The following PLCB1 variants were observed in gnomAD, a reference collection of about 807,000 sequenced individuals.
PLCB1 encodes 1-phosphatidylinositol 4,5-bisphosphate phosphodiesterase beta-1.
Under a neutral mutation model 161.8 loss-of-function variants are expected in PLCB1, and 46 were observed. The observed-to-expected ratio is 0.28, with a 90% confidence interval of 0.22 to 0.36. The LOEUF (loss-of-function observed/expected upper bound fraction) is 0.36, where lower values mean the gene tolerates loss of function less well. PLCB1 is among the 10% of genes least tolerant of loss of function. The pLI, the probability that PLCB1 is intolerant of heterozygous loss-of-function variation, is 1.00. For synonymous variants in PLCB1, 517 were observed against 503.7 expected (o/e 1.03, Z -0.35); for missense variants, 1,016 against 1,472.5 (o/e 0.69, Z 5.07).
At chr20:8,678,797 C>G (rs1990149025) in intron 9 of PLCB1, among the ~76,000 whole-genome samples, 1 of 152,200 alleles carries the variant, frequency 6.6e-6, no homozygotes, top group Admixed American at 6.5e-5. Flanking sequence ...AGAAAGGAAA[C>G]TGGAGCAGAG....
At position 8,877,053 on chromosome 20, in the gene PLCB1, G is replaced by GAACT. The variant is rs71331342; in HGVS notation, c.3424-4567_3424-4566insCTAA. Among the ~76,000 whole-genome samples the GAACT allele has an allele frequency of 5.3e-3, 800 of 151,832 alleles. 4 individuals are homozygous for GAACT. Among genetic ancestry groups the GAACT allele is most frequent in the Non-Finnish European group, 9.0e-3 (613 of 67,930 alleles). ...GGTTATGATTACAAGGAGGGGTGAA[G>GAACT]AATTACTGCCATTTGCACGACCAAT... On this transcript the variant is annotated intron_variant, in intron 31 of 31. Coordinates refer to ENST00000338037, the MANE Select transcript of PLCB1 (RefSeq NM_015192.4).
intron 4 of PLCB1, among the ~76,000 whole-genome samples, chr20:8,642,288 A>G (rs1034031622): frequency 6.6e-6 from 1 of 152,350 alleles, no homozygotes; most frequent in African/African-American, 2.4e-5. Flanking sequence ...TATAGTATCA[A>G]AAGTGCAGTC....
chr20:8,228,774 T>C (rs1979844309), intron 2 of PLCB1, among the ~76,000 whole-genome samples: 1 of 152,158 alleles, frequency 6.6e-6, no homozygotes. Flanking sequence ...AATTTTTTAA[T>C]TGGCATATAA....
At chr20:8,347,191 T>C (rs918768952) in intron 2 of PLCB1, among the ~76,000 whole-genome samples, 2 of 152,236 alleles carry the variant, frequency 1.3e-5, no homozygotes, top group Non-Finnish European at 2.9e-5. Flanking sequence ...TGGTTTACCT[T>C]GGGAATTACC....
intron 2 of PLCB1, among the ~76,000 whole-genome samples, chr20:8,275,350 T>C (rs1421669121): frequency 6.6e-6 from 1 of 151,798 alleles, no homozygotes; most frequent in Non-Finnish European, 1.5e-5. Context: ...GGATGAATTC[T>C]TCCCTTAATT....
chr20:8,523,490 C>A lies in PLCB1; in HGVS notation c.247-104804C>A, dbSNP rs1272234213. Among the ~76,000 whole-genome samples, 52 of 67,718 alleles carry A rather than the reference C, an allele frequency of 7.7e-4. 2 individuals carry two copies. Among genetic ancestry groups the A allele is most frequent in the East Asian group, 2.1e-3 (7 of 3,384 alleles). The allele number at this position is 67,718 out of a possible 152,430, so 44.4% of individuals were successfully genotyped here. On this transcript the variant is annotated intron_variant, in intron 3 of 31. Coordinates refer to ENST00000338037, the MANE Select transcript of PLCB1 (RefSeq NM_015192.4). ...GCTCTCTCTCTCTCTCTCTCTCTCTCTCTCTCTATATATATATATATATAT... is the reference window on the plus strand; with the variant it reads ...GCTCTCTCTCTCTCTCTCTCTCTCTATCTCTCTATATATATATATATATAT...
intron 31 of PLCB1, among the ~76,000 whole-genome samples, chr20:8,834,012 T>C (rs1390073459): frequency 6.6e-6 from 1 of 152,144 alleles, no homozygotes; most frequent in African/African-American, 2.4e-5. Flanking sequence ...AAAAGCAACA[T>C]TTGAACTACT....
intron 3 of PLCB1, among the ~76,000 whole-genome samples, chr20:8,517,364 A>G (rs544825109): frequency 2.0e-5 from 3 of 152,302 alleles, no homozygotes; most frequent in Non-Finnish European, 2.9e-5. Flanking sequence ...ATTAACCCCA[A>G]TAAGGAAGGC....
intron 2 of PLCB1, among the ~76,000 whole-genome samples, chr20:8,287,710 C>G (rs937034337): frequency 2.0e-5 from 3 of 152,208 alleles, no homozygotes; most frequent in Admixed American, 6.6e-5. Flanking sequence ...GTCACCTACA[C>G]AAACTAGTAA....
At chr20:8,621,068 T>C (rs530947099) in intron 3 of PLCB1, among the ~76,000 whole-genome samples, 1 of 152,192 alleles carries the variant, frequency 6.6e-6, no homozygotes, top group Non-Finnish European at 1.5e-5. Flanking sequence ...TGCGGACTCA[T>C]TGTAAAAGTG....
intron 3 of PLCB1, among the ~76,000 whole-genome samples, chr20:8,517,229 A>G (rs937901885): frequency 1.3e-5 from 2 of 152,228 alleles, no homozygotes; most frequent in African/African-American, 4.8e-5. Context: ...TGGTGAGCCT[A>G]GAGCCAACTC....
intron 14 of PLCB1, among the ~76,000 whole-genome samples, chr20:8,718,268 C>T (rs528084705): frequency 2.0e-5 from 3 of 152,108 alleles, no homozygotes; most frequent in Non-Finnish European, 4.4e-5. Flanking sequence ...GGACTTTGAA[C>T]ATTCCTATTT....
intron 4 of PLCB1, among the ~76,000 whole-genome samples, chr20:8,636,445 T>C (rs1988765070): frequency 6.6e-6 from 1 of 152,224 alleles, no homozygotes; most frequent in South Asian, 2.1e-4. Context: ...TTTGGATATG[T>C]GTCAGGCAAA....
chr20:8,724,326 T>G lies in PLCB1; in HGVS notation c.1582-330T>G, dbSNP rs888247892. 9.9e-5 allele frequency among the ~76,000 whole-genome samples: 15 copies of G among 152,236 alleles called. No individual in the cohort carries two copies. The East Asian group carries it at 2.7e-3, about 27-fold the overall frequency. Reference sequence around the variant, plus strand: ...AACTTTGATGGGCATTCCAATGACCTTAGTAAAATGCAGGATCTGAGTCTG... The same window carrying G: ...AACTTTGATGGGCATTCCAATGACCGTAGTAAAATGCAGGATCTGAGTCTG... On this transcript the variant is annotated intron_variant, in intron 15 of 31. Transcript: ENST00000338037.
chr20:8,750,400 A>C (rs1290417218), intron 23 of PLCB1, among the ~76,000 whole-genome samples: 1 of 152,202 alleles, frequency 6.6e-6, no homozygotes, highest in Non-Finnish European at 1.5e-5. Context: ...GTTTTGACAT[A>C]TTTCATTATG....
At chr20:8,446,268 A>G (rs1980821111) in intron 3 of PLCB1, among the ~76,000 whole-genome samples, 3 of 152,202 alleles carry the variant, frequency 2.0e-5, no homozygotes, top group African/African-American at 4.8e-5. Context: ...GCAAATCAAT[A>G]AACGTAATCC....
At chr20:8,609,412 T>G (rs1987843995) in intron 3 of PLCB1, among the ~76,000 whole-genome samples, 1 of 152,162 alleles carries the variant, frequency 6.6e-6, no homozygotes, top group African/African-American at 2.4e-5. Context: ...GAGGTACAGT[T>G]TAAGAGAGTT....
At chr20:8,191,916 G>T (rs1055067169) in intron 2 of PLCB1, among the ~76,000 whole-genome samples, 2 of 151,910 alleles carry the variant, frequency 1.3e-5, no homozygotes, top group Non-Finnish European at 2.9e-5. Context: ...CACTTGTAAA[G>T]CAGGTTTGAA....
intron 31 of PLCB1, among the ~76,000 whole-genome samples, chr20:8,793,384 CAG>C (rs1406066470): frequency 1.3e-5 from 2 of 152,170 alleles, no homozygotes; most frequent in Non-Finnish European, 2.9e-5. Flanking sequence ...AACTAATTTA[CAG>C]ATGGTATCGG....
Sources: gnomAD v4.1 joint callset for allele counts (sites outside exome capture counted in the v4.1 genomes callset) on GRCh38, gnomAD v4.1.1 for gene constraint, MANE v1.5 for transcripts, NCBI Gene and HGNC (gene_info 2026-07-23, HGNC 2026-07-21) for gene names.